Variants in CRIPT observed in about 807,000 individuals in gnomAD.
The protein encoded by CRIPT is cysteine-rich PDZ-binding protein.
Under a neutral mutation model 16.6 loss-of-function variants are expected in CRIPT, and 20 were observed. That is an observed-to-expected ratio of 1.20 (90% CI 0.85 to 1.75). The LOEUF (loss-of-function observed/expected upper bound fraction) is 1.75. Ranked by LOEUF, CRIPT falls within the 40% of genes most tolerant of loss-of-function variation. The pLI, the probability that CRIPT is intolerant of heterozygous loss-of-function variation, is 0.00. For missense variants in CRIPT, 133 were observed against 115.3 expected, an observed-to-expected ratio of 1.15 and a Z score of -0.70; for synonymous variants, 42 against 37.0, an observed-to-expected ratio of 1.14 and a Z score of -0.49.
chr2:46,622,289 G>A (rs1320293690), intron 3 of CRIPT, among the ~76,000 whole-genome samples: 3 of 150,524 alleles, frequency 2.0e-5, no homozygotes, highest in Non-Finnish European at 2.9e-5. Context: ...AGAATGGCAT[G>A]AACCTACGAG....
chr2:46,618,381 A>G (rs369693560), intron 1 of CRIPT, among the ~76,000 whole-genome samples: 9 of 152,180 alleles, frequency 5.9e-5, no homozygotes, highest in African/African-American at 1.9e-4. Flanking sequence ...CCCAGGTTAC[A>G]GATTGCTGTT....
intron 4 of CRIPT, 120 bp from the exon 5 acceptor site, chr2:46,624,043 T>TATATA (rs1558719290): frequency 1.2e-5 from 4 of 330,008 alleles, no homozygotes; most frequent in Middle Eastern, 9.1e-4. Flanking sequence ...ATATATATAT[T>TATATA]TTTTTTTTCT....
At chr2:46,622,576 G>A (rs938292395) in intron 3 of CRIPT, among the ~76,000 whole-genome samples, 1 of 152,100 alleles carries the variant, frequency 6.6e-6, no homozygotes, top group African/African-American at 2.4e-5. Flanking sequence ...CACTTTGGGA[G>A]GCCAACGCAG....
rs1365999432 is a variant in CRIPT, at chr2:46,626,583, T to G, written c.*2356T>G. 6.6e-6 allele frequency among the ~76,000 whole-genome samples: 1 copy of G among 152,214 alleles called. No individual in the cohort carries two copies. The highest frequency in any genetic ancestry group is 2.4e-5 in the African/African-American group (1 of 41,458). On this transcript the variant is annotated 3_prime_UTR_variant, in exon 5 of 5. Transcript: ENST00000238892. ...GCGCATTCTACACTGCACTGGCTTC[T>G]ACAGTGTTGAAGCATTCCGTTTTTC...
At chr2:46,619,026 C>T (rs1195410563) in intron 2 of CRIPT, among the ~76,000 whole-genome samples, 188 bp downstream of exon 2, 1 of 152,066 alleles carries the variant, frequency 6.6e-6, no homozygotes, top group East Asian at 1.9e-4. Flanking sequence ...GTACGGGTTC[C>T]TAATATCAGG....
At chr2:46,622,204 C>T (rs1342841236) in intron 3 of CRIPT, among the ~76,000 whole-genome samples, 1 of 151,580 alleles carries the variant, frequency 6.6e-6, no homozygotes, top group East Asian at 2.0e-4. Flanking sequence ...CCTGTCTCTA[C>T]TAAAAATACA....
At position 46,627,603 on chromosome 2, in the gene CRIPT, C is replaced by A. The variant is rs997048789; in HGVS notation, c.*3376C>A. Among the ~76,000 whole-genome samples, 2 of 152,040 alleles carry A rather than the reference C, an allele frequency of 1.3e-5. No homozygotes were observed. The highest frequency in any genetic ancestry group is 2.9e-5 in the Non-Finnish European group (2 of 68,004). ...GGGATTACAGGCACATGCCACCACG[C>A]CTGGCTAATTTTTCTATTTTTAGTA... On this transcript the variant is annotated 3_prime_UTR_variant, in exon 5 of 5. Coordinates refer to ENST00000238892, the MANE Select transcript of CRIPT (RefSeq NM_014171.6).
chr2:46,619,782 CAG>C (rs1670759426), intron 3 of CRIPT, 101 bp downstream of exon 3: 12 of 906,574 alleles, frequency 1.3e-5, no homozygotes, highest in African/African-American at 1.0e-4. Context: ...TGCAATAAAA[CAG>C]AGTTAGGTGG....
In CRIPT at chr2:46,625,050, C is replaced by T; in HGVS notation, c.*823C>T. 7.0e-6 allele frequency: 1 copy of T among 143,674 alleles called. No homozygotes were observed. The highest frequency in any genetic ancestry group is 2.6e-5 in the African/African-American group (1 of 38,138). The allele number at this position is 143,674 out of a possible 1,614,324, so 8.9% of individuals were successfully genotyped here. ...AATAAATAGAGCAAACATCTTGACTCTCCCTTTTTAAAATTTGTTTGTTTT... is the reference window on the plus strand; with the variant it reads ...AATAAATAGAGCAAACATCTTGACTTTCCCTTTTTAAAATTTGTTTGTTTT... On this transcript the variant is annotated 3_prime_UTR_variant, in exon 5 of 5. Coordinates refer to ENST00000238892, the MANE Select transcript of CRIPT (RefSeq NM_014171.6).
chr2:46,617,254 T>G lies in CRIPT; in HGVS notation c.-29T>G, dbSNP rs192177022. ...TTCAGCCTGCTGCTGCTGCTGCTGT[T>G]GCGGCTAGGGGAACCGTCGTGGGGA... On this transcript the variant is annotated 5_prime_UTR_variant, in exon 1 of 5. Coordinates refer to ENST00000238892, the MANE Select transcript of CRIPT (RefSeq NM_014171.6). 11 of 1,553,928 alleles carry G rather than the reference T, an allele frequency of 7.1e-6. No individual in the cohort carries two copies. In the East Asian group the frequency reaches 2.6e-4, roughly 37 times the overall value.
At chr2:46,624,142 A>C (rs563530564) in intron 4 of CRIPT, 21 bp from the exon 5 acceptor site, 1 of 1,525,460 alleles carries the variant, frequency 6.6e-7, no homozygotes, top group Non-Finnish European at 8.9e-7. Context: ...TTGATTGATC[A>C]CATATCTTCT....
In CRIPT at chr2:46,623,648, A is replaced by G. The variant is rs117782320; in HGVS notation, c.138-116A>G. 2.8e-3 allele frequency: 1,668 copies of G among 589,778 alleles called. 29 individuals are homozygous for G. Among genetic ancestry groups the G allele is most frequent in the Admixed American group, 0.026 (835 of 32,728 alleles). The allele number at this position is 589,778 out of a possible 1,614,324, so 36.5% of individuals were successfully genotyped here. A position where few individuals can be genotyped will look rare whatever the true frequency, so the allele number is the denominator to read the frequency against. On this transcript the variant is annotated intron_variant, in intron 3 of 4. Transcript: ENST00000238892. The stretch of plus-strand genomic sequence containing the variant: ...GGAATAGGCTAAACCCATCAATTGT[A>G]GAGGTTGATGGAGGGATGGAGAGCA...
chr2:46,622,348 C>T (rs955780684), intron 3 of CRIPT, among the ~76,000 whole-genome samples: 7 of 144,448 alleles, frequency 4.8e-5, no homozygotes, highest in Middle Eastern at 3.4e-3. Flanking sequence ...CCAGCCTGGG[C>T]GACAGAGCGA....
chr2:46,617,673 A>G (rs954674303), intron 1 of CRIPT, among the ~76,000 whole-genome samples: 1 of 152,216 alleles, frequency 6.6e-6, no homozygotes, highest in Non-Finnish European at 1.5e-5. Flanking sequence ...CAAATGCTAG[A>G]CACTAGAACC....
Position 46,627,290 on chromosome 2 carries a change from T to C in CRIPT, c.*3063T>C, listed in dbSNP as rs1315750160. Among the ~76,000 whole-genome samples, 1 of 152,212 alleles carries C rather than the reference T, an allele frequency of 6.6e-6. No homozygotes were observed. Among genetic ancestry groups the C allele is most frequent in the Non-Finnish European group, 1.5e-5 (1 of 68,046 alleles). The stretch of plus-strand genomic sequence containing the variant: ...TTCCTTTTGCGGTGCAGAAGCTCTT[T>C]AGTTTGATTAGGTTCCACTTGTCAA... On this transcript the variant is annotated 3_prime_UTR_variant, in exon 5 of 5. Transcript: ENST00000238892.
chr2:46,622,709 A>G (rs1670841408), intron 3 of CRIPT, among the ~76,000 whole-genome samples: 1 of 152,100 alleles, frequency 6.6e-6, no homozygotes, highest in Admixed American at 6.5e-5. Flanking sequence ...GCTACTTGTG[A>G]GGCTGAGACA....
intron 1 of CRIPT, among the ~76,000 whole-genome samples, chr2:46,618,501 G>A (rs111792518): frequency 0.011 from 1,721 of 152,140 alleles, 30 homozygotes; most frequent in African/African-American, 0.039. Flanking sequence ...ATATATTTAT[G>A]GAACAAATAG....
In CRIPT at chr2:46,624,048, TTTTC is replaced by T. The variant is rs1388973971; in HGVS notation, c.242-111_242-108del. ...AATTATATATATATATATATTTTTT[TTTTC>T]TTTTCTTTTCTTTCCTGATGCTGTT... On this transcript the variant is annotated intron_variant, in intron 4 of 4. Coordinates refer to ENST00000238892, the MANE Select transcript of CRIPT (RefSeq NM_014171.6). 4.2e-4 allele frequency: 196 copies of T among 466,040 alleles called. 1 individual carries two copies. Among genetic ancestry groups the T allele is most frequent in the African/African-American group, 3.6e-3 (170 of 47,756 alleles). 28.9% of individuals were successfully genotyped at this position (466,040 alleles called of 1,614,324 possible).
rs191522965 is a variant in CRIPT, at chr2:46,627,331, C to T, written c.*3104C>T. Among the ~76,000 whole-genome samples the T allele has an allele frequency of 6.6e-6, 1 of 152,146 alleles. No homozygotes were observed. The highest frequency in any genetic ancestry group is 1.9e-4 in the East Asian group (1 of 5,154). ...CACTTGTCAATTTTTGTTTTTGTTG[C>T]AATTGCTTTTGAGGACTTAGCCGTA... is the stretch of plus-strand genomic sequence containing the variant. On this transcript the variant is annotated 3_prime_UTR_variant, in exon 5 of 5. Transcript: ENST00000238892.
Sources: gnomAD v4.1 joint callset for allele counts (sites outside exome capture counted in the v4.1 genomes callset) on GRCh38, gnomAD v4.1.1 for gene constraint, MANE v1.5 for transcripts, NCBI Gene and HGNC (gene_info 2026-07-23, HGNC 2026-07-21) for gene names.